GRM1: variants seen among roughly 807,000 people sequenced by gnomAD.
GRM1 encodes glutamate metabotropic receptor 1.
In GRM1, 33 loss-of-function variants were observed where a neutral mutation model predicts 90.9. The ratio of observed to expected loss-of-function variants is 0.36; its 90% CI spans 0.28 to 0.49. The LOEUF (loss-of-function observed/expected upper bound fraction) is 0.49, where lower values mean the gene tolerates loss of function less well. GRM1 is among the 20% of genes least tolerant of loss of function. The pLI, the probability that GRM1 is intolerant of heterozygous loss-of-function variation, is 0.99. For missense variants in GRM1, 1,190 were observed against 1,534.3 expected, an observed-to-expected ratio of 0.78 and a Z score of 3.75; for synonymous variants, 700 against 613.2, an observed-to-expected ratio of 1.14 and a Z score of -2.09.
At chr6:146,203,192 A>AAAATAAAT (rs60263974) in intron 2 of GRM1, among the ~76,000 whole-genome samples, 2,607 of 141,778 alleles carry the variant, frequency 0.018, 38 homozygotes, top group East Asian at 0.028. Context: ...ACTCCGTCTC[A>AAAATAAAT]AAATAAATAA....
intron 2 of GRM1, among the ~76,000 whole-genome samples, chr6:146,213,766 G>C (rs544349808): frequency 6.6e-6 from 1 of 152,098 alleles, no homozygotes; most frequent in South Asian, 2.1e-4. Context: ...TGGGGGAATT[G>C]GGTCACATGA....
intron 3 of GRM1, among the ~76,000 whole-genome samples, chr6:146,333,975 C>T (rs1784674518): frequency 6.6e-6 from 1 of 152,022 alleles, no homozygotes; most frequent in Non-Finnish European, 1.5e-5. Context: ...GAAGTCCTAC[C>T]CTGGGACCTG....
At chr6:146,393,111 T>C (rs1439607823) in intron 6 of GRM1, among the ~76,000 whole-genome samples, 3 of 152,214 alleles carry the variant, frequency 2.0e-5, no homozygotes, top group African/African-American at 7.2e-5. Context: ...ATCACCACGC[T>C]GTCTTCCACA....
chr6:146,120,135 T>C (rs1024351047), intron 1 of GRM1, among the ~76,000 whole-genome samples: 1 of 152,218 alleles, frequency 6.6e-6, no homozygotes, highest in African/African-American at 2.4e-5. Flanking sequence ...GCTTTGTAGT[T>C]CTACTTGAAG....
intron 1 of GRM1, among the ~76,000 whole-genome samples, chr6:146,036,941 A>T (rs73576906): frequency 1.3e-5 from 2 of 152,082 alleles, no homozygotes; most frequent in African/African-American, 4.8e-5. Flanking sequence ...ATTACTACTA[A>T]TATTTGTTGG....
chr6:146,343,168 C>T (rs1271026306), intron 3 of GRM1, among the ~76,000 whole-genome samples: 1 of 152,010 alleles, frequency 6.6e-6, no homozygotes, highest in East Asian at 1.9e-4. Flanking sequence ...ACTTATTTCT[C>T]ATAGTTCAGT....
At chr6:146,175,396 A>T (rs551939407) in intron 2 of GRM1, among the ~76,000 whole-genome samples, 1 of 152,160 alleles carries the variant, frequency 6.6e-6, no homozygotes, top group South Asian at 2.1e-4. Context: ...CTTATAATAG[A>T]TTCTTGTTAC....
At chr6:146,122,835 CTTTCTT>C (rs1194411871) in intron 1 of GRM1, among the ~76,000 whole-genome samples, 5 of 101,768 alleles carry the variant, frequency 4.9e-5, no homozygotes, top group African/African-American at 1.5e-4. Context: ...CTTTTCTTTT[CTTTCTT>C]TTTTTTTTTT....
chr6:146,423,785 C>G (rs1430641234), intron 7 of GRM1, among the ~76,000 whole-genome samples: 1 of 152,156 alleles, frequency 6.6e-6, no homozygotes, highest in Non-Finnish European at 1.5e-5. Context: ...ATTAGACATC[C>G]CCAGCAGGCA....
rs780003683 is a variant in GRM1, at chr6:146,029,628, G to C, written c.111G>C (p.Ser37=). The change falls in exon 1 of 8, where the codon TCG becomes TCC. Residue 37 remains serine (S), a synonymous_variant. Transcript: ENST00000282753. The stretch of plus-strand genomic sequence containing the variant: ...TGGCAGGAGCGTCGTCTCAGCGCTC[G>C]GTGGCCAGAATGGACGGAGATGTCA... The part of the protein sequence containing the change: ...VLLAGASSQR[S]VARMDGDVII... 1 of 1,614,080 alleles carries C rather than the reference G, an allele frequency of 6.2e-7. No individual in the cohort carries two copies. Among genetic ancestry groups the C allele is most frequent in the South Asian group, 1.1e-5 (1 of 91,074 alleles).
At position 146,261,141 on chromosome 6, in the gene GRM1, G is replaced by A. The variant is rs375625941; in HGVS notation, c.951-43470G>A. ...GAGTGAGGAGTCAGCAAGGATTAACGAGCAAGCTACAGACCGTGGAATTAT... is the reference window on the plus strand; with the variant it reads ...GAGTGAGGAGTCAGCAAGGATTAACAAGCAAGCTACAGACCGTGGAATTAT... On this transcript the variant is annotated intron_variant, in intron 2 of 7. Coordinates refer to ENST00000282753, the MANE Select transcript of GRM1 (RefSeq NM_001278064.2). Among the ~76,000 whole-genome samples the A allele has an allele frequency of 7.2e-5, 11 of 152,162 alleles. 1 individual carries two copies. The highest frequency in any genetic ancestry group is 1.9e-4 in the African/African-American group (8 of 41,534).
intron 2 of GRM1, among the ~76,000 whole-genome samples, chr6:146,165,005 G>A (rs906200512): frequency 4.7e-5 from 7 of 150,358 alleles, no homozygotes; most frequent in African/African-American, 9.8e-5. Context: ...ATTGCTTCTC[G>A]CAACTCTGTG....
rs1001914298 is a variant in GRM1 at position 146,436,558 on chromosome 6, T to G, written c.*1762T>G. The G allele has an allele frequency of 6.6e-6, 1 of 152,226 alleles. No individual in the cohort carries two copies. The highest frequency in any genetic ancestry group is 1.5e-5 in the Non-Finnish European group (1 of 68,032). 9.4% of individuals were successfully genotyped at this position (152,226 alleles called of 1,614,324 possible). A position where few individuals can be genotyped will look rare whatever the true frequency, so the allele number is the denominator to read the frequency against. ...TCAATCACATTTTGCCTTCTTTTAA[T>G]TTTTATGTTCATGGACTTTTATTCC... On this transcript the variant is annotated 3_prime_UTR_variant, in exon 8 of 8. Coordinates refer to ENST00000282753, the MANE Select transcript of GRM1 (RefSeq NM_001278064.2).
intron 1 of GRM1, among the ~76,000 whole-genome samples, chr6:146,140,113 C>CTTTT (rs1554272189): frequency 3.4e-4 from 40 of 116,086 alleles, no homozygotes; most frequent in African/African-American, 1.4e-3. Flanking sequence ...TTCTTTCTTT[C>CTTTT]TTTCTTTCTT....
intron 7 of GRM1, among the ~76,000 whole-genome samples, chr6:146,412,719 C>T (rs1177513694): frequency 3.3e-5 from 5 of 152,048 alleles, no homozygotes; most frequent in African/African-American, 1.2e-4. Flanking sequence ...TCCTAACTCC[C>T]AAGAAAACAG....
chr6:146,268,091 T>G (rs1414073276), intron 2 of GRM1, among the ~76,000 whole-genome samples: 1 of 152,206 alleles, frequency 6.6e-6, no homozygotes, highest in African/African-American at 2.4e-5. Context: ...ACCCCTTTTT[T>G]GACCACTTCT....
chr6:146,326,862 G>T (rs1273681104), intron 3 of GRM1, among the ~76,000 whole-genome samples: 1 of 152,170 alleles, frequency 6.6e-6, no homozygotes, highest in Non-Finnish European at 1.5e-5. Flanking sequence ...ATGACTAGGG[G>T]TTGTTGAGTG....
chr6:146,227,747 G>T (rs2114694608), intron 2 of GRM1, among the ~76,000 whole-genome samples: 1 of 152,204 alleles, frequency 6.6e-6, no homozygotes, highest in African/African-American at 2.4e-5. Context: ...TACAGAATGG[G>T]GAAATCTTTT....
chr6:146,054,921 G>A (rs1347105096), intron 1 of GRM1, among the ~76,000 whole-genome samples: 2 of 151,968 alleles, frequency 1.3e-5, no homozygotes, highest in Non-Finnish European at 2.9e-5. Flanking sequence ...GAAGATGCAG[G>A]GGTGGGTGTG....
Sources: allele counts gnomAD v4.1 joint callset (sites outside exome capture counted in the v4.1 genomes callset), GRCh38; gene constraint gnomAD v4.1.1; transcripts MANE v1.5; gene names NCBI Gene and HGNC (gene_info 2026-07-23, HGNC 2026-07-21).